TBC1D19: variants seen among roughly 807,000 people sequenced by gnomAD.
TBC1D19 encodes TBC1 domain family, member 19.
Under a neutral mutation model 89.0 loss-of-function variants are expected in TBC1D19, and 60 were observed. The ratio of observed to expected loss-of-function variants is 0.67; its 90% CI spans 0.55 to 0.84. TBC1D19 has a LOEUF of 0.84. Among genes scored for constraint, TBC1D19 ranks in the 40% least tolerant of loss-of-function variants. The pLI, the probability that TBC1D19 is intolerant of heterozygous loss-of-function variation, is 0.00. For synonymous variants in TBC1D19, 189 were observed against 199.7 expected (o/e 0.95, Z 0.45); for missense variants, 500 against 610.8 (o/e 0.82, Z 1.91).
rs1560396710 is a variant in TBC1D19 at position 26,586,170 on chromosome 4, G to GT, written c.99+1878_99+1879insT. On this transcript the variant is annotated intron_variant, in intron 1 of 20. Transcript: ENST00000264866. ...AATTATTGTATATGGTGCAAGGTAA[G>GT]CTTTTTTTTTTTTTTTTTTGCATAT... Among the ~76,000 whole-genome samples the GT allele has an allele frequency of 1.8e-4, 24 of 135,136 alleles. 2 individuals are homozygous for GT. The highest frequency in any genetic ancestry group is 2.2e-4 in the Non-Finnish European group (14 of 64,758). The allele number at this position is 135,136 out of a possible 152,430, so 88.7% of individuals were successfully genotyped here. A position where few individuals can be genotyped will look rare whatever the true frequency, so the allele number is the denominator to read the frequency against.
the TBC1D19 span, among the ~76,000 whole-genome samples, chr4:26,796,106 T>G: frequency 2.0e-5 from 3 of 152,216 alleles, no homozygotes; most frequent in Non-Finnish European, 4.4e-5. Context: ...CATGTCTCCA[T>G]CATATGAATA....
At chr4:26,767,495 G>A in the TBC1D19 span, among the ~76,000 whole-genome samples, 1 of 152,126 alleles carries the variant, frequency 6.6e-6, no homozygotes, top group Non-Finnish European at 1.5e-5. Flanking sequence ...GCCTTTGAGA[G>A]GTAATCAAGT....
At chr4:26,769,590 T>G in the TBC1D19 span, among the ~76,000 whole-genome samples, 1 of 151,890 alleles carries the variant, frequency 6.6e-6, no homozygotes, top group African/African-American at 2.4e-5. Flanking sequence ...ACACCCAGCC[T>G]GGAGTGTAGT....
At chr4:26,805,736 C>G in the TBC1D19 span, among the ~76,000 whole-genome samples, 1 of 152,296 alleles carries the variant, frequency 6.6e-6, no homozygotes, top group South Asian at 2.1e-4. Flanking sequence ...TGGCTCACAC[C>G]TGTAATCCCA....
chr4:26,740,835 T>C, intron 17 of TBC1D19: 1 of 985,386 alleles, frequency 1.0e-6, no homozygotes, highest in Non-Finnish European at 1.2e-6. Context: ...TATCCCCCCA[T>C]TCTAAGCCTA....
intron 16 of TBC1D19, among the ~76,000 whole-genome samples, chr4:26,736,556 A>G (rs1388234742): frequency 2.6e-5 from 4 of 152,164 alleles, no homozygotes; most frequent in Non-Finnish European, 4.4e-5. Context: ...AAAAAATAGA[A>G]CATACTGTGA....
chr4:26,646,454 A>G (rs928588103), intron 7 of TBC1D19, among the ~76,000 whole-genome samples: 1 of 152,220 alleles, frequency 6.6e-6, no homozygotes, highest in African/African-American at 2.4e-5. Flanking sequence ...CAGTGATCCC[A>G]TTACTGGGTA....
chr4:26,812,822 CTATATATGTA>C, the TBC1D19 span, among the ~76,000 whole-genome samples: 368 of 113,712 alleles, frequency 3.2e-3, 3 homozygotes, highest in African/African-American at 0.015. This position sits in a 1 kb window ranked among gnomAD's most constrained non-coding sequence, Gnocchi z 4.2. Context: ...ATGTGTGTGT[CTATATATGTA>C]TATATATGTA....
At chr4:26,680,310 C>T (rs2109132591) in intron 11 of TBC1D19, among the ~76,000 whole-genome samples, 1 of 152,264 alleles carries the variant, frequency 6.6e-6, no homozygotes, top group South Asian at 2.1e-4. Flanking sequence ...TTTTAAACAC[C>T]TTAACATACT....
chr4:26,804,005 C>T, the TBC1D19 span, among the ~76,000 whole-genome samples: 173 of 151,814 alleles, frequency 1.1e-3, no homozygotes, highest in African/African-American at 3.9e-3. Flanking sequence ...AGCAGTCTCC[C>T]TTCCTCACTC....
the TBC1D19 span, among the ~76,000 whole-genome samples, chr4:26,795,303 C>T: frequency 6.6e-6 from 1 of 152,136 alleles, no homozygotes; most frequent in South Asian, 2.1e-4. Flanking sequence ...GAGCCCTTTC[C>T]TGATCACCTT....
At chr4:26,686,978 T>C (rs1037531885) in intron 12 of TBC1D19, among the ~76,000 whole-genome samples, 2 of 152,190 alleles carry the variant, frequency 1.3e-5, no homozygotes, top group Non-Finnish European at 2.9e-5. Flanking sequence ...GCCAGTGAGA[T>C]TGTAGACTGC....
rs1383039049 is a variant in TBC1D19, at chr4:26,755,593, T to G, written c.*646T>G. ...CATTTGACAATATTTTATGCTTGAC[T>G]CTCTGAAAGTCAGAAAATTATAGGT... On this transcript the variant is annotated 3_prime_UTR_variant, in exon 21 of 21. Coordinates refer to ENST00000264866, the MANE Select transcript of TBC1D19 (RefSeq NM_018317.4). Among the ~76,000 whole-genome samples, 1 of 152,212 alleles carries G rather than the reference T, an allele frequency of 6.6e-6. No individual in the cohort carries two copies. The highest frequency in any genetic ancestry group is 2.4e-5 in the African/African-American group (1 of 41,464).
At position 26,717,940 on chromosome 4, in the gene TBC1D19, T is replaced by G. The variant is rs1432554333; in HGVS notation, c.962T>G (p.Leu321Arg). The change falls in exon 14 of 21, where the codon CTT becomes CGT. Residue 321 changes from leucine to arginine, a missense_variant. This residue lies in a region of TBC1D19 where 220 missense variants were observed against 319.1 expected (regional missense o/e 0.69). Coordinates refer to ENST00000264866, the MANE Select transcript of TBC1D19 (RefSeq NM_018317.4). Reference sequence around the variant, plus strand: ...TTCCAATGTTATATTCAGGTATTACTTTGTTTTTCCCGGGATACATCTGTG... The same window carrying G: ...TTCCAATGTTATATTCAGGTATTACGTTGTTTTTCCCGGGATACATCTGTG... ...VFEDYLYQVL[L>R]CFSRDTSVLS... 1 of 1,611,784 alleles carries G rather than the reference T, an allele frequency of 6.2e-7. No homozygotes were observed. The highest frequency in any genetic ancestry group is 1.3e-5 in the African/African-American group (1 of 74,920).
chr4:26,610,605 C>T (rs921446847), intron 1 of TBC1D19, among the ~76,000 whole-genome samples: 21 of 151,966 alleles, frequency 1.4e-4, no homozygotes, highest in Non-Finnish European at 2.9e-4. Flanking sequence ...CTCCTCCCAC[C>T]CTCTACCATC....
chr4:26,724,261 C>T (rs1286967297), intron 15 of TBC1D19, among the ~76,000 whole-genome samples: 1 of 152,156 alleles, frequency 6.6e-6, no homozygotes, highest in Non-Finnish European at 1.5e-5. Flanking sequence ...CTAGTAAGTC[C>T]AATGTCTGTG....
At chr4:26,772,272 A>G in the TBC1D19 span, among the ~76,000 whole-genome samples, 9 of 152,226 alleles carry the variant, frequency 5.9e-5, no homozygotes, top group South Asian at 1.9e-3. Flanking sequence ...GCAGGTCTCA[A>G]GGGAGGAAGC....
chr4:26,730,649 A>G (rs1330237582), intron 15 of TBC1D19, among the ~76,000 whole-genome samples: 2 of 152,230 alleles, frequency 1.3e-5, no homozygotes, highest in African/African-American at 2.4e-5. Flanking sequence ...TGAATTCAGA[A>G]TTATCAGACT....
chr4:26,613,146 T>TA (rs1553897902), intron 1 of TBC1D19, 23 bp from the exon 2 acceptor site: 2 of 1,421,496 alleles, frequency 1.4e-6, no homozygotes, highest in Non-Finnish European at 1.9e-6. Context: ...ATCTTTCTTT[T>TA]TTATTATTAT....
Sources: allele counts gnomAD v4.1 joint callset (sites outside exome capture counted in the v4.1 genomes callset), GRCh38; gene constraint gnomAD v4.1.1; regional missense constraint gnomAD v4.1.1; non-coding constraint Gnocchi (gnomAD v3.1); transcripts MANE v1.5; gene names NCBI Gene and HGNC (gene_info 2026-07-23, HGNC 2026-07-21).